Variants in SGCD observed in about 807,000 individuals in gnomAD.
SGCD encodes the protein delta-sarcoglycan.
In SGCD, 18 loss-of-function variants were observed where a neutral mutation model predicts 36.6. That is an observed-to-expected ratio of 0.49 (90% confidence interval 0.34 to 0.73). The LOEUF is 0.73. SGCD is among the 30% of genes least tolerant of loss of function. The probability of loss-of-function intolerance (pLI) is 0.01; values close to 1 mark genes in which losing one functional copy is unlikely to be tolerated. For synonymous variants in SGCD, 133 were observed against 130.6 expected (o/e 1.02, Z -0.12); for missense variants, 387 against 346.7 (o/e 1.12, Z -0.92).
At chr5:155,766,971 T>C in the SGCD span, among the ~76,000 whole-genome samples, 1,409 of 152,220 alleles carry the variant, frequency 9.3e-3, 21 homozygotes, top group African/African-American at 0.032. Context: ...CCCAGGCTTC[T>C]TCTCCAATCC....
At chr5:155,969,736 G>A (rs533633661) in intron 1 of SGCD, among the ~76,000 whole-genome samples, 33 of 152,028 alleles carry the variant, frequency 2.2e-4, no homozygotes, top group Admixed American at 6.6e-4. Context: ...TGAGCATGAC[G>A]TGGGCTAGTG....
chr5:156,144,445 T>A (rs965962889), intron 3 of SGCD, among the ~76,000 whole-genome samples: 3 of 152,190 alleles, frequency 2.0e-5, no homozygotes, highest in African/African-American at 7.2e-5. Flanking sequence ...TGGTGTGAGA[T>A]GGTATCTCAT....
chr5:156,449,898 TC>T (rs1753933474), intron 3 of SGCD, among the ~76,000 whole-genome samples: 1 of 150,948 alleles, frequency 6.6e-6, no homozygotes, highest in Admixed American at 6.6e-5. Context: ...TCAGAATTTC[TC>T]CAAAGCTGGT....
Position 155,881,599 on chromosome 5 carries a change from G to A in SGCD, c.-282+11175G>A, listed in dbSNP as rs141555739. On this transcript the variant is annotated intron_variant, in intron 1 of 9. Coordinates refer to the SGCD transcript ENST00000517913. The stretch of plus-strand genomic sequence containing the variant: ...GTGTTTGGTGAAGCTTGGGCTGGCT[G>A]CAGCAATTTTGTAAGACAACAATGA... 3.9e-4 allele frequency among the ~76,000 whole-genome samples: 59 copies of A among 152,310 alleles called. No individual in the cohort carries two copies. The East Asian group carries it at 0.01, about 27-fold the overall frequency.
intron 3 of SGCD, among the ~76,000 whole-genome samples, chr5:156,494,153 T>C (rs1355195528): frequency 6.6e-6 from 1 of 152,074 alleles, no homozygotes; most frequent in Admixed American, 6.6e-5. Context: ...AGGGCTGCTG[T>C]TGAACATATA....
intron 1 of SGCD, among the ~76,000 whole-genome samples, chr5:156,018,169 A>C (rs1176230249): frequency 6.6e-6 from 1 of 152,214 alleles, no homozygotes; most frequent in Non-Finnish European, 1.5e-5. Flanking sequence ...AAATGAATGA[A>C]TCAATGAATG....
intron 3 of SGCD, among the ~76,000 whole-genome samples, chr5:156,379,183 T>A (rs913729718): frequency 6.6e-6 from 1 of 152,176 alleles, no homozygotes; most frequent in Non-Finnish European, 1.5e-5. Context: ...AATCTGACAT[T>A]AAACAAGATA....
At chr5:156,472,957 A>G (rs1755034709) in intron 3 of SGCD, among the ~76,000 whole-genome samples, 1 of 152,192 alleles carries the variant, frequency 6.6e-6, no homozygotes, top group African/African-American at 2.4e-5. Flanking sequence ...TATGTTTATC[A>G]AAATGTTATA....
chr5:155,738,146 C>T, the SGCD span, among the ~76,000 whole-genome samples: 1 of 152,110 alleles, frequency 6.6e-6, no homozygotes, highest in African/African-American at 2.4e-5. Flanking sequence ...AATGTAGAGC[C>T]CAGTTTGCCA....
intron 4 of SGCD, among the ~76,000 whole-genome samples, chr5:156,584,434 T>A (rs1168496961): frequency 1.3e-5 from 2 of 152,202 alleles, no homozygotes; most frequent in Non-Finnish European, 2.9e-5. Flanking sequence ...AGGGGCTACC[T>A]GCTCAGCCTT....
intron 3 of SGCD, among the ~76,000 whole-genome samples, chr5:156,478,035 G>GGA (rs1432555653): frequency 6.6e-6 from 1 of 152,062 alleles, no homozygotes; most frequent in East Asian, 1.9e-4. Context: ...AACAATCAGA[G>GGA]GGGGAGCATT....
chr5:155,768,628 C>T, the SGCD span, among the ~76,000 whole-genome samples: 2 of 152,080 alleles, frequency 1.3e-5, no homozygotes, highest in South Asian at 2.1e-4. Context: ...TCAGAAAAAA[C>T]GAACCGGCTC....
chr5:155,918,284 C>T (rs976339981), intron 1 of SGCD, among the ~76,000 whole-genome samples: 4 of 152,166 alleles, frequency 2.6e-5, no homozygotes, highest in South Asian at 2.1e-4. Flanking sequence ...AAGTGGGTGT[C>T]GGGCACAGTG....
At chr5:156,308,291 A>C (rs1767286981) in intron 3 of SGCD, among the ~76,000 whole-genome samples, 2 of 135,366 alleles carry the variant, frequency 1.5e-5, no homozygotes. Flanking sequence ...CAAAGGGGGA[A>C]GTGCCATACT....
chr5:156,201,934 AGAGCAGCCATCT>A (rs1764160490), intron 3 of SGCD, among the ~76,000 whole-genome samples: 3 of 152,154 alleles, frequency 2.0e-5, no homozygotes, highest in Non-Finnish European at 4.4e-5. Flanking sequence ...AGGCCACAGG[AGAGCAGCCATCT>A]GAGCAGCTCC....
chr5:155,752,137 G>A, the SGCD span, among the ~76,000 whole-genome samples: 1 of 152,140 alleles, frequency 6.6e-6, no homozygotes, highest in Non-Finnish European at 1.5e-5. Context: ...GACCATTTGT[G>A]TCTCATTTGG....
chr5:156,264,659 A>G (rs79065932), intron 3 of SGCD, among the ~76,000 whole-genome samples: 2,131 of 152,250 alleles, frequency 0.014, 24 homozygotes, highest in Non-Finnish European at 0.024. Context: ...ATTAGAAAGT[A>G]CTTAGCACAA....
rs139214966 is a variant in SGCD at position 156,185,465 on chromosome 5, T to C, written c.-44+61446T>C. 5.3e-3 allele frequency among the ~76,000 whole-genome samples: 813 copies of C among 152,134 alleles called. 4 individuals carry two copies. The highest frequency in any genetic ancestry group is 0.012 in the East Asian group (61 of 5,134). ...TCCTGACCTTGTGATCCGCCCGCCT[T>C]GGCCTCCCAAAGTGCTGGGATTACA... On this transcript the variant is annotated intron_variant, in intron 3 of 9. Coordinates refer to the SGCD transcript ENST00000517913.
At chr5:156,732,272 T>A (rs112812694) in intron 7 of SGCD, among the ~76,000 whole-genome samples, 4,535 of 152,158 alleles carry the variant, frequency 0.03, 213 homozygotes, top group African/African-American at 0.1. Context: ...TGATACTGGC[T>A]ATGGGTCTAA....
Sources: gnomAD v4.1 joint callset for allele counts (sites outside exome capture counted in the v4.1 genomes callset) on GRCh38, gnomAD v4.1.1 for gene constraint, MANE v1.5 for transcripts, NCBI Gene and HGNC (gene_info 2026-07-23, HGNC 2026-07-21) for gene names.